IBTK: variants seen among roughly 807,000 people sequenced by gnomAD.
The protein encoded by IBTK is BTK-binding protein.
A neutral mutation model predicts 154.9 loss-of-function variants in IBTK; 83 were observed. That is an observed-to-expected ratio of 0.54 (90% CI 0.45 to 0.64). IBTK has a LOEUF of 0.64. Ranked by LOEUF, IBTK falls within the 30% of genes least tolerant of loss-of-function variation. The pLI, the probability that IBTK is intolerant of heterozygous loss-of-function variation, is 0.00. For synonymous variants in IBTK, 515 were observed against 536.1 expected (o/e 0.96, Z 0.54); for missense variants, 1,332 against 1,584.6 (o/e 0.84, Z 2.71).
At chr6:82,230,637 T>C (rs1269819161) in intron 4 of IBTK, among the ~76,000 whole-genome samples, 1 of 152,118 alleles carries the variant, frequency 6.6e-6, no homozygotes, top group Non-Finnish European at 1.5e-5. Flanking sequence ...ACATTAAAAA[T>C]TGAATAGGGT....
At chr6:82,172,621 A>C in intron 27 of IBTK, 109 bp from the exon 28 acceptor site, 2 of 903,048 alleles carry the variant, frequency 2.2e-6, no homozygotes, top group South Asian at 2.0e-5. Context: ...GTGACCTACA[A>C]TGAACGAACC....
In IBTK at chr6:82,240,553, G is replaced by A; in HGVS notation, c.-67C>T. 1 of 1,338,136 alleles carries A rather than the reference G, an allele frequency of 7.5e-7. No individual in the cohort carries two copies. The highest frequency in any genetic ancestry group is 1.0e-6 in the Non-Finnish European group (1 of 970,872). 82.9% of individuals were successfully genotyped at this position (1,338,136 alleles called of 1,614,324 possible). A position where few individuals can be genotyped will look rare whatever the true frequency, so the allele number is the denominator to read the frequency against. ...TAATTTTAAAAAATGAAAAAGCCAG[G>A]ACACAAAGGTGCTATTGAGGAAGTT... On this transcript the variant is annotated 5_prime_UTR_variant, in exon 2 of 29. Coordinates refer to ENST00000306270, the MANE Select transcript of IBTK (RefSeq NM_015525.4).
intron 15 of IBTK, among the ~76,000 whole-genome samples, 197 bp from the exon 16 acceptor site, chr6:82,211,107 T>A (rs1582222211): frequency 6.6e-6 from 1 of 152,142 alleles, no homozygotes; most frequent in South Asian, 2.1e-4. Flanking sequence ...AACAAAAAAA[T>A]TCAGAAAACA....
Position 82,201,582 on chromosome 6 carries a change from C to G in IBTK, c.2730-100G>C, listed in dbSNP as rs73470024. 1.3e-3 allele frequency: 1,007 copies of G among 757,180 alleles called. 9 individuals are homozygous for G. In the African/African-American group the frequency reaches 0.015, roughly 11 times the overall value. 46.9% of individuals were successfully genotyped at this position (757,180 alleles called of 1,614,324 possible). ...ATATTTCATATTGCTAGATAAGTAA[C>G]AAAGTTATTTTTTAAGCATTATATA... On this transcript the variant is annotated intron_variant, in intron 18 of 28. Transcript: ENST00000306270.
At chr6:82,229,260 C>T (rs1770412366) in intron 4 of IBTK, among the ~76,000 whole-genome samples, 1 of 152,090 alleles carries the variant, frequency 6.6e-6, no homozygotes, top group Admixed American at 6.5e-5. Context: ...CCTTGCCTTA[C>T]CTGAAATGTG....
At chr6:82,239,733 T>C (rs1351292012) in intron 2 of IBTK, among the ~76,000 whole-genome samples, 1 of 151,954 alleles carries the variant, frequency 6.6e-6, no homozygotes, top group Non-Finnish European at 1.5e-5. Flanking sequence ...CTATAAAAGC[T>C]CACTGCTCAG....
intron 5 of IBTK, 134 bp downstream of exon 5, chr6:82,227,058 A>C: frequency 1.8e-6 from 1 of 546,458 alleles, no homozygotes. Context: ...CAGGAAACAG[A>C]TTTTTTAAAA....
intron 24 of IBTK, 33 bp from the exon 25 acceptor site, chr6:82,191,249 C>A: frequency 6.4e-7 from 1 of 1,553,974 alleles, no homozygotes; most frequent in South Asian, 1.2e-5. Context: ...TCAGTGGTTT[C>A]TTCTGACAAA....
rs199718568 is a variant in IBTK, at chr6:82,172,503, T to C, written c.3807A>G (p.Leu1269=). 427 of 1,610,700 alleles carry C rather than the reference T, an allele frequency of 2.7e-4. 3 individuals carry two copies. The highest frequency in any genetic ancestry group is 5.2e-4 in the Admixed American group (31 of 59,118). ...TGGATGGAGCAGTCACTGAAGAAGA[T>C]AGCCAGGGACTGAAAGAATAATAAT... ...LPLLDSPNPW[L]SSSVTAPSMV... Residue 1269 remains leucine (L), a synonymous_variant, in exon 28 of 29, where the codon CTA becomes CTG. Coordinates refer to ENST00000306270, the MANE Select transcript of IBTK (RefSeq NM_015525.4).
Position 82,240,474 on chromosome 6 carries a change from T to C in IBTK, c.13A>G (p.Met5Val), listed in dbSNP as rs377348710. The change falls in exon 2 of 29, where the codon ATG becomes GTG. Residue 5 changes from methionine (M) to valine (V), a missense_variant. Physicochemically the swap from Met to Val is conservative, Grantham distance 21. This residue lies in a region of IBTK where 84 missense variants were observed against 96.2 expected (regional missense o/e 0.87). Transcript: ENST00000306270. MSSP[M>V]PDCTSKCRSL... ...CGACACTTTGATGTGCAGTCAGGCA[T>C]GGGTGAACTCATCCTAACTGTTTTT... is the stretch of plus-strand genomic sequence containing the variant. The C allele has an allele frequency of 4.3e-6, 7 of 1,612,360 alleles. No individual in the cohort carries two copies. Among genetic ancestry groups the C allele is most frequent in the Non-Finnish European group, 4.2e-6 (5 of 1,179,494 alleles).
rs376082045 is a variant in IBTK at position 82,200,206 on chromosome 6, C to T, written c.2960G>A (p.Arg987His). ...KAKTKAKKKP[R>H]KRSDSSGGYN... ...ACCTCCAGAACTATCTGAACGTTTA[C>T]GTGGCTTCTTTTTAGCTTTTGTTTT... The change falls in exon 21 of 29, where the codon CGT becomes CAT. Residue 987 changes from arginine (R) to histidine (H), a missense_variant. Around this residue, in one of 3 missense-constraint regions of IBTK, gnomAD observed 1,134 missense variants for 1,274.7 expected, o/e 0.89. Coordinates refer to ENST00000306270, the MANE Select transcript of IBTK (RefSeq NM_015525.4). The T allele has an allele frequency of 1.9e-5, 31 of 1,613,546 alleles. No homozygotes were observed. Among genetic ancestry groups the T allele is most frequent in the South Asian group, 5.5e-5 (5 of 91,048 alleles).
chr6:82,217,925 G>T (rs1268667043), intron 10 of IBTK, 35 bp downstream of exon 10: 2 of 1,340,318 alleles, frequency 1.5e-6, no homozygotes, highest in South Asian at 1.6e-5. Flanking sequence ...ATAATTGAAA[G>T]GTACTTTTAC....
At position 82,181,491 on chromosome 6, in the gene IBTK, C is replaced by T. The variant is rs992512279; in HGVS notation, c.3725+388G>A. ...AAAACTCTAAAATGTACAAGCTAATCTTTATTGGTAGATTAGTAGCTGCTT... is the reference window on the plus strand; with the variant it reads ...AAAACTCTAAAATGTACAAGCTAATTTTTATTGGTAGATTAGTAGCTGCTT... On this transcript the variant is annotated intron_variant, in intron 26 of 28. Transcript: ENST00000306270. Among the ~76,000 whole-genome samples the T allele has an allele frequency of 4.6e-5, 7 of 152,060 alleles. No individual in the cohort carries two copies. In the South Asian group the frequency reaches 8.3e-4, roughly 18 times the overall value.
chr6:82,178,308 T>G (rs2127797735), intron 26 of IBTK, among the ~76,000 whole-genome samples: 1 of 152,332 alleles, frequency 6.6e-6, no homozygotes, highest in South Asian at 2.1e-4. Flanking sequence ...TGATCAACTA[T>G]GAAACCACAG....
Position 82,194,602 on chromosome 6 carries a change from T to C in IBTK, c.3215A>G (p.Tyr1072Cys). The change falls in exon 23 of 29, where the codon TAT becomes TGT. Residue 1072 changes from tyrosine (Y) to cysteine (C), a missense_variant. Tyr to Cys is a radical substitution (Grantham distance 194). Around this residue, in one of 3 missense-constraint regions of IBTK, gnomAD observed 1,134 missense variants for 1,274.7 expected, o/e 0.89. Coordinates refer to ENST00000306270, the MANE Select transcript of IBTK (RefSeq NM_015525.4). The stretch of plus-strand genomic sequence containing the variant: ...CCATGGTTTTAAATCTTCCCTAGAA[T>C]ACACAGGAGATGTACCATTAACATA... Reference protein sequence around the residue: ...KPYVNGTSPVYSREDLKPWEK... With the variant: ...KPYVNGTSPVCSREDLKPWEK... 4 of 1,608,732 alleles carry C rather than the reference T, an allele frequency of 2.5e-6. No homozygotes were observed. The highest frequency in any genetic ancestry group is 3.4e-6 in the Non-Finnish European group (4 of 1,177,310).
At chr6:82,232,062 G>T (rs9449453) in intron 3 of IBTK, among the ~76,000 whole-genome samples, 34,310 of 147,286 alleles carry the variant, frequency 0.23, 3,990 homozygotes, top group African/African-American at 0.27. Context: ...TTTTGTTGTT[G>T]TTTTTTTTTA....
At chr6:82,222,948 T>C (rs1770153257) in intron 8 of IBTK, among the ~76,000 whole-genome samples, 1 of 151,934 alleles carries the variant, frequency 6.6e-6, no homozygotes, top group Non-Finnish European at 1.5e-5. Context: ...TTGACTTGAC[T>C]AGTCAACCAA....
At chr6:82,242,096 G>A (rs930998540) in intron 1 of IBTK, among the ~76,000 whole-genome samples, 9 of 152,168 alleles carry the variant, frequency 5.9e-5, no homozygotes, top group East Asian at 1.9e-4. Context: ...ATGGCCAGGC[G>A]CAGTGGCTCA....
intron 1 of IBTK, among the ~76,000 whole-genome samples, chr6:82,244,175 G>A (rs1217587989): frequency 6.6e-6 from 1 of 152,124 alleles, no homozygotes; most frequent in Non-Finnish European, 1.5e-5. Context: ...CATGGTACCT[G>A]GCACTAAATA....
Sources: gnomAD v4.1 joint callset for allele counts (sites outside exome capture counted in the v4.1 genomes callset) on GRCh38, gnomAD v4.1.1 for gene constraint, gnomAD v4.1.1 regional missense constraint, MANE v1.5 for transcripts, NCBI Gene and HGNC (gene_info 2026-07-23, HGNC 2026-07-21) for gene names.